The following CAD variants were observed in gnomAD, a reference collection of about 807,000 sequenced individuals.
CAD encodes carbamoyl-phosphate synthetase 2, aspartate transcarbamylase, and dihydroorotase.
A neutral mutation model predicts 237.2 loss-of-function variants in CAD; 81 were observed. The observed-to-expected ratio is 0.34, with a 90% CI of 0.29 to 0.41. The LOEUF is 0.41. CAD is among the 10% of genes least tolerant of loss of function. The pLI is 1.00. For missense variants in CAD, 2,181 were observed against 2,951.7 expected (o/e 0.74, Z 6.05); for synonymous variants, 1,196 against 1,162.8 (o/e 1.03, Z -0.58).
At position 27,240,691 on chromosome 2, in the gene CAD, C is replaced by A; in HGVS notation, c.5594-220C>A. The A allele has an allele frequency of 1.4e-6, 2 of 1,454,866 alleles. No homozygotes were observed. Among genetic ancestry groups the A allele is most frequent in the Non-Finnish European group, 1.9e-6 (2 of 1,066,148 alleles). The allele number at this position is 1,454,866 out of a possible 1,614,324, so 90.1% of individuals were successfully genotyped here. A position where few individuals can be genotyped will look rare whatever the true frequency, so the allele number is the denominator to read the frequency against. ...AGGATGCCTTTGCCAACTGGGAGAG[C>A]CCCGGGAGGGCACCACTGCTCCCAT... is the stretch of plus-strand genomic sequence containing the variant. On this transcript the variant is annotated intron_variant, in intron 35 of 43. Coordinates refer to ENST00000264705, the MANE Select transcript of CAD (RefSeq NM_004341.5). The surrounding 1 kb of genome is among the most constrained non-coding windows in gnomAD (Gnocchi z 4.6).
Position 27,237,422 on chromosome 2 carries a change from A to G in CAD, c.4440A>G (p.Thr1480=). The part of the protein sequence containing the change: ...VHVHLREPGG[T]HKEDFASGTA... The stretch of plus-strand genomic sequence containing the variant: ...TGCACCTGCGGGAACCAGGTGGGAC[A>G]CATAAGGAGGACTTTGCTTCAGGCA... The change falls in exon 28 of 44, where the codon ACA becomes ACG. Residue 1480 remains threonine (T), a synonymous_variant. Transcript: ENST00000264705. This position sits in a 1 kb window ranked among gnomAD's most constrained non-coding sequence, Gnocchi z 4.0. The G allele has an allele frequency of 6.2e-7, 1 of 1,614,194 alleles. No individual in the cohort carries two copies. The highest frequency in any genetic ancestry group is 1.3e-5 in the African/African-American group (1 of 75,048).
At chr2:27,217,824 G>C in intron 1 of CAD, 53 bp from the exon 2 acceptor site, 1 of 1,539,790 alleles carries the variant, frequency 6.5e-7, no homozygotes. Flanking sequence ...CATCGCGCGG[G>C]GAGTGTTCCG....
At chr2:27,218,368 GA>G (rs1199652068) in intron 2 of CAD, among the ~76,000 whole-genome samples, 1 of 152,194 alleles carries the variant, frequency 6.6e-6, no homozygotes, top group South Asian at 2.1e-4. Flanking sequence ...GAAGTCAGGA[GA>G]AAAAAGCCTG....
intron 15 of CAD, 137 bp from the exon 16 acceptor site, chr2:27,231,331 C>T (rs1675743506): frequency 4.8e-6 from 3 of 629,976 alleles, no homozygotes; most frequent in East Asian, 2.7e-5. Flanking sequence ...TTGTGAAACA[C>T]CATGAATCCC....
chr2:27,224,710 C>T, intron 9 of CAD, 35 bp from the exon 10 acceptor site: 1 of 1,613,966 alleles, frequency 6.2e-7, no homozygotes, highest in Admixed American at 1.7e-5. Context: ...TTTGCTTCTT[C>T]AGCAGAGGCT....
chr2:27,221,284 C>G lies in CAD; in HGVS notation c.289C>G (p.His97Asp). ...GGGAGAGTGCTGTCCTACTCCCAGC[C>G]ACTGGAGTGCCACCCGCACCCTGCA... is the stretch of plus-strand genomic sequence containing the variant. ...VVGECCPTPS[H>D]WSATRTLHEW... Residue 97 changes from histidine to aspartate, a missense_variant, in exon 3 of 44, where the codon CAC (histidine) becomes GAC (aspartate). Coordinates refer to ENST00000264705, the MANE Select transcript of CAD (RefSeq NM_004341.5). 6.3e-7 allele frequency: 1 copy of G among 1,593,696 alleles called. No homozygotes were observed. Among genetic ancestry groups the G allele is most frequent in the Non-Finnish European group, 8.5e-7 (1 of 1,170,470 alleles).
chr2:27,223,385 C>G (rs140347272), intron 6 of CAD, among the ~76,000 whole-genome samples, 178 bp from the exon 7 acceptor site: 1 of 149,650 alleles, frequency 6.7e-6, no homozygotes, highest in African/African-American at 2.5e-5. Context: ...GAGCGGAGAT[C>G]GTGCCATTGC....
Position 27,232,439 on chromosome 2 carries a change from C to G in CAD, c.2646-9C>G. The G allele has an allele frequency of 6.2e-7, 1 of 1,613,896 alleles. No individual in the cohort carries two copies. Among genetic ancestry groups the G allele is most frequent in the East Asian group, 2.2e-5 (1 of 44,878 alleles). On this transcript the variant is annotated splice_polypyrimidine_tract_variant and intron_variant, in intron 17 of 43. Transcript: ENST00000264705. The surrounding 1 kb of genome is among the most constrained non-coding windows in gnomAD (Gnocchi z 4.1). ...TGGGCCTGTGTTTCAGACCCTTTTTCTATTTTAGCACAGAGCTGGCTGTTC... is the reference window on the plus strand; with the variant it reads ...TGGGCCTGTGTTTCAGACCCTTTTTGTATTTTAGCACAGAGCTGGCTGTTC...
chr2:27,221,608 C>T (rs778354999), intron 3 of CAD, among the ~76,000 whole-genome samples: 1 of 152,138 alleles, frequency 6.6e-6, no homozygotes, highest in African/African-American at 2.4e-5. Flanking sequence ...TGATGCAAAT[C>T]TCAGACATCA....
In CAD at chr2:27,235,178, G is replaced by A. The variant is rs148366620; in HGVS notation, c.3787-67G>A. The A allele has an allele frequency of 1.3e-4, 179 of 1,409,818 alleles. 1 individual carries two copies. In the East Asian group the frequency reaches 3.3e-3, roughly 26 times the overall value. 87.3% of individuals were successfully genotyped at this position (1,409,818 alleles called of 1,614,324 possible). A position where few individuals can be genotyped will look rare whatever the true frequency, so the allele number is the denominator to read the frequency against. On this transcript the variant is annotated intron_variant, in intron 23 of 43. Coordinates refer to ENST00000264705, the MANE Select transcript of CAD (RefSeq NM_004341.5). The surrounding 1 kb of genome is among the most constrained non-coding windows in gnomAD (Gnocchi z 5.2). The stretch of plus-strand genomic sequence containing the variant: ...GGATCAAGCACAGGGTACTGTGTCC[G>A]TCTCTGCTGGTGAGGGAGGAGGTCC...
chr2:27,243,390 CTTTTTT>C lies in CAD; in HGVS notation c.6576-10_6576-5del, dbSNP rs5830040. The C allele has an allele frequency of 1.4e-3, 1,903 of 1,371,710 alleles. No homozygotes were observed. The highest frequency in any genetic ancestry group is 1.6e-3 in the Non-Finnish European group (1,640 of 1,010,282). The allele number at this position is 1,371,710 out of a possible 1,614,324, so 85.0% of individuals were successfully genotyped here. A position where few individuals can be genotyped will look rare whatever the true frequency, so the allele number is the denominator to read the frequency against. On this transcript the variant is annotated intron_variant, in intron 43 of 43. Coordinates refer to ENST00000264705, the MANE Select transcript of CAD (RefSeq NM_004341.5). ...TCCATGGGCTGCACGATAACACTTC[CTTTTTT>C]TTTTTTTTTTTTTTTGCAGCGTGGA...
In CAD at chr2:27,226,937, G is replaced by A; in HGVS notation, c.2262G>A (p.Lys754=). The change falls in exon 15 of 44, where the codon AAG becomes AAA. Residue 754 remains lysine (K), a synonymous_variant. Coordinates refer to ENST00000264705, the MANE Select transcript of CAD (RefSeq NM_004341.5). ...GCAAGTTCCTGCGAGTCAGCACAAA[G>A]ATTGGGAGCTGCATGAAGAGCGTTG... is the stretch of plus-strand genomic sequence containing the variant. ...DLSKFLRVST[K]IGSCMKSVGE... is the part of the protein sequence containing the mutation. The A allele has an allele frequency of 6.2e-7, 1 of 1,614,232 alleles. No individual in the cohort carries two copies. The highest frequency in any genetic ancestry group is 8.5e-7 in the Non-Finnish European group (1 of 1,180,038).
intron 16 of CAD, 101 bp downstream of exon 16, chr2:27,231,681 C>A: frequency 1.3e-6 from 1 of 747,578 alleles, no homozygotes; most frequent in Non-Finnish European, 2.3e-6. Flanking sequence ...CAGCAGTCAT[C>A]ATTGGACATT....
Position 27,241,317 on chromosome 2 carries a change from C to G in CAD, c.5809-5C>G. On this transcript the variant is annotated splice_polypyrimidine_tract_variant and splice_region_variant and intron_variant, in intron 37 of 43. Coordinates refer to ENST00000264705, the MANE Select transcript of CAD (RefSeq NM_004341.5). This position sits in a 1 kb window ranked among gnomAD's most constrained non-coding sequence, Gnocchi z 4.6. ...CCTTTCTAGCTAACTTGGGCTCTTT[C>G]TTAGATGTCTCACCTGTTCAATGTG... 1 of 1,614,176 alleles carries G rather than the reference C, an allele frequency of 6.2e-7. No individual in the cohort carries two copies. The highest frequency in any genetic ancestry group is 8.5e-7 in the Non-Finnish European group (1 of 1,180,030).
chr2:27,234,295 T>C (rs1675900680), intron 22 of CAD, 69 bp downstream of exon 22: 5 of 1,426,014 alleles, frequency 3.5e-6, no homozygotes, highest in South Asian at 3.5e-5. Context: ...CACAGTGCCA[T>C]GAAGCCCTGC....
Position 27,237,669 on chromosome 2 carries a change from T to C in CAD, c.4564-49T>C, listed in dbSNP as rs1281745111. 4 of 1,586,934 alleles carry C rather than the reference T, an allele frequency of 2.5e-6. No individual in the cohort carries two copies. The East Asian group carries it at 6.7e-5, about 27-fold the overall frequency. On this transcript the variant is annotated intron_variant, in intron 28 of 43. Transcript: ENST00000264705. This position sits in a 1 kb window ranked among gnomAD's most constrained non-coding sequence, Gnocchi z 4.0. ...CCAGGCCACTGGTGCCAGGCTAGCC[T>C]GTGTGGGCATGGGTGCCAGTGAGCC...
chr2:27,233,813 G>T lies in CAD; in HGVS notation c.3399+5G>T. 6.2e-7 allele frequency: 1 copy of T among 1,613,426 alleles called. No individual in the cohort carries two copies. Among genetic ancestry groups the T allele is most frequent in the African/African-American group, 1.3e-5 (1 of 75,026 alleles). Reference sequence around the variant, plus strand: ...AAGTTCATCCAGGAGGCTAAGGTGGGAGGCTGCAGACAGTGAAGTCTCTGA... The same window carrying T: ...AAGTTCATCCAGGAGGCTAAGGTGGTAGGCTGCAGACAGTGAAGTCTCTGA... On this transcript the variant is annotated splice_donor_5th_base_variant and intron_variant, in intron 21 of 43. Transcript: ENST00000264705. The surrounding 1 kb of genome is among the most constrained non-coding windows in gnomAD (Gnocchi z 6.3).
intron 5 of CAD, 55 bp downstream of exon 5, chr2:27,222,715 T>A: frequency 6.3e-7 from 1 of 1,598,228 alleles, no homozygotes; most frequent in Non-Finnish European, 8.6e-7. Flanking sequence ...GTGGAAGATC[T>A]ATCCCTTGGT....
rs547336439 is a variant in CAD, at chr2:27,242,120, G to A, written c.6093G>A (p.Val2031=). The change falls in exon 39 of 44, where the codon GTG becomes GTA. Residue 2031 remains valine (V), a synonymous_variant. Transcript: ENST00000264705. This position sits in a 1 kb window ranked among gnomAD's most constrained non-coding sequence, Gnocchi z 6.4. The part of the protein sequence containing the change: ...VVLRHPQPGA[V]ELAAKHCRRP... ...TCCGGCACCCCCAGCCTGGAGCAGTGGAGGTGAGGCCAGCCTGGGTACTGA... is the reference window on the plus strand; with the variant it reads ...TCCGGCACCCCCAGCCTGGAGCAGTAGAGGTGAGGCCAGCCTGGGTACTGA... The A allele has an allele frequency of 2.5e-6, 4 of 1,612,642 alleles. No homozygotes were observed. The highest frequency in any genetic ancestry group is 1.3e-5 in the African/African-American group (1 of 75,028).
Sources: gnomAD v4.1 joint callset for allele counts (sites outside exome capture counted in the v4.1 genomes callset) on GRCh38, gnomAD v4.1.1 for gene constraint, Gnocchi (gnomAD v3.1) non-coding constraint, MANE v1.5 for transcripts, NCBI Gene and HGNC (gene_info 2026-07-23, HGNC 2026-07-21) for gene names.